TAMM41: variants seen among roughly 807,000 people sequenced by gnomAD.
TAMM41 encodes the protein phosphatidate cytidylyltransferase, mitochondrial.
TAMM41 carries 36 observed loss-of-function variants against 44.1 expected under a neutral mutation model. The ratio of observed to expected loss-of-function variants is 0.82; its 90% confidence interval spans 0.63 to 1.08. TAMM41 has a LOEUF of 1.08. Ranked by LOEUF, TAMM41 falls within the 50% of genes least tolerant of loss-of-function variation. The pLI, the probability that TAMM41 is intolerant of heterozygous loss-of-function variation, is 0.00. For synonymous variants in TAMM41, 164 were observed against 153.1 expected, an observed-to-expected ratio of 1.07 and a Z score of -0.53; for missense variants, 417 against 404.3, an observed-to-expected ratio of 1.03 and a Z score of -0.27.
At chr3:11,817,461 G>A in intron 4 of TAMM41, 124 bp from the exon 5 acceptor site, 1 of 989,420 alleles carries the variant, frequency 1.0e-6, no homozygotes, top group East Asian at 2.5e-5. Context: ...CAGAACACTT[G>A]CTTTTCCTCC....
chr3:11,760,962 C>G, the TAMM41 span, among the ~76,000 whole-genome samples: 3 of 151,772 alleles, frequency 2.0e-5, no homozygotes, highest in Non-Finnish European at 4.4e-5. Flanking sequence ...GTCAGGAGAT[C>G]GAGACCATCC....
chr3:11,744,519 AC>A, the TAMM41 span, among the ~76,000 whole-genome samples: 1 of 151,552 alleles, frequency 6.6e-6, no homozygotes, highest in Non-Finnish European at 1.5e-5. Flanking sequence ...ACATGGTGAA[AC>A]CCCATTTCTA....
downstream of TAMM41, among the ~76,000 whole-genome samples, chr3:11,785,998 C>T (rs529952357): frequency 1.3e-5 from 2 of 152,130 alleles, no homozygotes; most frequent in Admixed American, 1.3e-4. Context: ...GACTTGTATA[C>T]AGTATCTAAT....
chr3:11,732,989 G>GTGT, the TAMM41 span, among the ~76,000 whole-genome samples: 1 of 128,464 alleles, frequency 7.8e-6, no homozygotes. Context: ...TATGATTTGA[G>GTGT]TTTTTTTTTT....
the TAMM41 span, among the ~76,000 whole-genome samples, chr3:11,735,860 T>C: frequency 0.89 from 135,910 of 152,044 alleles, 60,850 homozygotes; most frequent in East Asian, 1. Flanking sequence ...GTGCACAGGC[T>C]CAGAGGTAGG....
intron 4 of TAMM41, among the ~76,000 whole-genome samples, chr3:11,821,706 T>A (rs1437859585): frequency 6.6e-6 from 1 of 152,182 alleles, no homozygotes; most frequent in Non-Finnish European, 1.5e-5. Context: ...CGCTGGGTCT[T>A]GGAGATAATA....
At chr3:11,814,920 C>T (rs1358779914) in intron 5 of TAMM41, among the ~76,000 whole-genome samples, 1 of 151,988 alleles carries the variant, frequency 6.6e-6, no homozygotes, top group Non-Finnish European at 1.5e-5. Flanking sequence ...GCTGGGATTA[C>T]GCCTCTGCAC....
At chr3:11,795,341 C>T (rs2077579232) in intron 7 of TAMM41, among the ~76,000 whole-genome samples, 1 of 152,232 alleles carries the variant, frequency 6.6e-6, no homozygotes, top group Non-Finnish European at 1.5e-5. Flanking sequence ...GGCTCTACTG[C>T]TTCCCAGGCC....
chr3:11,786,267 AT>A (rs1282169869), downstream of TAMM41, among the ~76,000 whole-genome samples: 2 of 131,004 alleles, frequency 1.5e-5, no homozygotes, highest in Non-Finnish European at 3.1e-5. Flanking sequence ...CCATTTATTT[AT>A]TTATTTATTT....
chr3:11,742,815 C>T, the TAMM41 span, among the ~76,000 whole-genome samples: 28 of 151,576 alleles, frequency 1.8e-4, no homozygotes, highest in Middle Eastern at 3.2e-3. Context: ...AGGCTGGTCT[C>T]GAACTCCAGG....
At chr3:11,788,606 G>A (rs1327359131), downstream of TAMM41, among the ~76,000 whole-genome samples, 2 of 152,020 alleles carry the variant, frequency 1.3e-5, no homozygotes, top group East Asian at 3.9e-4. Flanking sequence ...GGTTCTGAAG[G>A]AAAAAACTTA....
intron 7 of TAMM41, among the ~76,000 whole-genome samples, chr3:11,794,600 G>A (rs758911206): frequency 1.1e-4 from 16 of 151,780 alleles, no homozygotes; most frequent in Non-Finnish European, 2.1e-4. Context: ...AGAATCTAAA[G>A]TCAGGATTTT....
intron 6 of TAMM41, chr3:11,808,780 T>A (rs180777418): frequency 4.3e-4 from 101 of 233,430 alleles, no homozygotes; most frequent in African/African-American, 2.2e-3. Flanking sequence ...GCCTGGAGTG[T>A]AGTGGTGCGA....
At chr3:11,808,559 C>T in intron 6 of TAMM41, 5 of 985,430 alleles carry the variant, frequency 5.1e-6, no homozygotes, top group Non-Finnish European at 6.0e-6. Context: ...CTATCTGGCA[C>T]GCGGAGGAGC....
the TAMM41 span, among the ~76,000 whole-genome samples, chr3:11,765,851 A>G: frequency 6.6e-6 from 1 of 151,856 alleles, no homozygotes; most frequent in Admixed American, 6.6e-5. Context: ...ACAGATGTGT[A>G]CCACCACACC....
the TAMM41 span, among the ~76,000 whole-genome samples, chr3:11,765,980 C>A: frequency 1.5e-3 from 222 of 151,972 alleles, no homozygotes; most frequent in Non-Finnish European, 1.9e-3. Flanking sequence ...GGATTACAGG[C>A]GTGAGCAACC....
At chr3:11,727,465 C>A in the TAMM41 span, among the ~76,000 whole-genome samples, 14 of 152,074 alleles carry the variant, frequency 9.2e-5, no homozygotes, top group African/African-American at 2.9e-4. Flanking sequence ...ACAGATGTTA[C>A]TATTATTATT....
chr3:11,726,310 C>T, the TAMM41 span, among the ~76,000 whole-genome samples: 1 of 152,332 alleles, frequency 6.6e-6, no homozygotes, highest in East Asian at 1.9e-4. Context: ...CAAAGTGAGT[C>T]ATTCTATACC....
At chr3:11,795,061 A>G (rs2077572499) in intron 7 of TAMM41, among the ~76,000 whole-genome samples, 1 of 152,248 alleles carries the variant, frequency 6.6e-6, no homozygotes, top group Non-Finnish European at 1.5e-5. Flanking sequence ...TTCAGTTTTA[A>G]GAAATCAGAA....
Sources: gnomAD v4.1 joint callset for allele counts (sites outside exome capture counted in the v4.1 genomes callset) on GRCh38, gnomAD v4.1.1 for gene constraint, MANE v1.5 for transcripts, NCBI Gene and HGNC (gene_info 2026-07-23, HGNC 2026-07-21) for gene names.